SPECC1: variants seen among roughly 807,000 people sequenced by gnomAD.
The protein encoded by SPECC1 is sperm antigen with calponin homology and coiled-coil domains 1.
A neutral mutation model predicts 104.1 loss-of-function variants in SPECC1; 62 were observed. The ratio of observed to expected loss-of-function variants is 0.60; its 90% CI spans 0.49 to 0.74. The LOEUF (loss-of-function observed/expected upper bound fraction) is 0.74. Among genes scored for constraint, SPECC1 ranks in the 30% least tolerant of loss-of-function variants. The pLI, the probability that SPECC1 is intolerant of heterozygous loss-of-function variation, is 0.00. For synonymous variants in SPECC1, 513 were observed against 501.6 expected (o/e 1.02, Z -0.30); for missense variants, 1,306 against 1,310.5 (o/e 1.00, Z 0.05).
At position 20,227,532 on chromosome 17, in the gene SPECC1, G is replaced by A. The variant is rs1178462110; in HGVS notation, c.1983G>A (p.Met661Ile). The A allele has an allele frequency of 6.2e-7, 1 of 1,612,994 alleles. No homozygotes were observed. Among genetic ancestry groups the A allele is most frequent in the Non-Finnish European group, 8.5e-7 (1 of 1,179,742 alleles). The change falls in exon 5 of 15, where the codon ATG becomes ATA. Residue 661 changes from methionine (M) to isoleucine (I), a missense_variant. Met to Ile is a conservative substitution (Grantham distance 10). Around this residue, in one of 2 missense-constraint regions of SPECC1, gnomAD observed 1,177 missense variants for 1,139.9 expected, o/e 1.03. Transcript: ENST00000395527. ...ASESDAEIKD[M>I]KETIFELEDQ... is the part of the protein sequence containing the mutation. The stretch of plus-strand genomic sequence containing the variant: ...AGAGTGATGCAGAGATCAAAGACAT[G>A]AAAGAAACCATATTTGAATTGGAAG...
chr17:20,052,684 G>A (rs1338749727), intron 1 of SPECC1, among the ~76,000 whole-genome samples: 2 of 152,172 alleles, frequency 1.3e-5, no homozygotes, highest in African/African-American at 2.4e-5. Flanking sequence ...TCACTTCTTA[G>A]ATACGTGGCC....
At chr17:20,254,665 T>TA (rs1347202614) in intron 10 of SPECC1, among the ~76,000 whole-genome samples, 1 of 151,992 alleles carries the variant, frequency 6.6e-6, no homozygotes, top group Non-Finnish European at 1.5e-5. Context: ...TGTTAGGAAA[T>TA]AAAAAAGGCA....
At chr17:20,290,844 G>C (rs1410949242) in intron 12 of SPECC1, among the ~76,000 whole-genome samples, 1 of 152,200 alleles carries the variant, frequency 6.6e-6, no homozygotes, top group African/African-American at 2.4e-5. Flanking sequence ...TAGCATATGG[G>C]CGCCTTCTTG....
At position 20,238,876 on chromosome 17, in the gene SPECC1, A is replaced by T. The variant is rs963381125; in HGVS notation, c.2351+6471A>T. 2.1e-5 allele frequency: 22 copies of T among 1,043,274 alleles called. No individual in the cohort carries two copies. The African/African-American group carries it at 3.7e-4, about 17-fold the overall frequency. 64.6% of individuals were successfully genotyped at this position (1,043,274 alleles called of 1,614,324 possible). A position where few individuals can be genotyped will look rare whatever the true frequency, so the allele number is the denominator to read the frequency against. On this transcript the variant is annotated intron_variant, in intron 7 of 14. Transcript: ENST00000395527. ...AGCATTTATGAAGTGCAAAATAAAC[A>T]TGTTATTATATAGAAGCGTCTGCTG...
At chr17:20,018,341 G>C (rs536384882) in intron 1 of SPECC1, among the ~76,000 whole-genome samples, 1 of 152,204 alleles carries the variant, frequency 6.6e-6, no homozygotes, top group Admixed American at 6.5e-5. Flanking sequence ...TTTTAAAAAT[G>C]TTTCTACCAT....
intron 7 of SPECC1, chr17:20,237,149 G>C (rs2038962736): frequency 3.7e-6 from 5 of 1,357,180 alleles, no homozygotes; most frequent in Non-Finnish European, 3.8e-6. Context: ...CTTTTATTTG[G>C]AGAATAAAAT....
In SPECC1 at chr17:20,316,973, T is replaced by C. The variant is rs1192669245; in HGVS notation, c.*2908T>C. 1 of 213,464 alleles carries C rather than the reference T, an allele frequency of 4.7e-6. No individual in the cohort carries two copies. Among genetic ancestry groups the C allele is most frequent in the African/African-American group, 2.3e-5 (1 of 44,204 alleles). 13.2% of individuals were successfully genotyped at this position (213,464 alleles called of 1,614,324 possible). ...CCCCATTTTTGTCTGTATCCTGCTCTCTTTAGGTTAAAAAGAAGGAAAGAA... is the reference window on the plus strand; with the variant it reads ...CCCCATTTTTGTCTGTATCCTGCTCCCTTTAGGTTAAAAAGAAGGAAAGAA... On this transcript the variant is annotated 3_prime_UTR_variant, in exon 15 of 15. Transcript: ENST00000395527.
chr17:20,105,736 A>G (rs2048168739), intron 2 of SPECC1, among the ~76,000 whole-genome samples: 1 of 152,168 alleles, frequency 6.6e-6, no homozygotes, highest in Non-Finnish European at 1.5e-5. Flanking sequence ...CTCAAAGGCA[A>G]AACTCCCACT....
intron 1 of SPECC1, among the ~76,000 whole-genome samples, chr17:20,021,674 T>TAA (rs71357408): frequency 2.3e-4 from 32 of 141,836 alleles, no homozygotes; most frequent in Admixed American, 8.6e-4. Flanking sequence ...TATATATATA[T>TAA]AATATAATAA....
chr17:20,238,713 G>A, intron 7 of SPECC1: 1 of 1,040,770 alleles, frequency 9.6e-7, no homozygotes, highest in Middle Eastern at 4.4e-4. Flanking sequence ...GAGTTCTTAG[G>A]ATTATTTAAA....
chr17:20,152,648 CT>C (rs2152568064), intron 3 of SPECC1, among the ~76,000 whole-genome samples: 1 of 152,200 alleles, frequency 6.6e-6, no homozygotes, highest in East Asian at 1.9e-4. Context: ...ATCTCTTCCT[CT>C]TCTTTTTTTA....
rs115992911 is a variant in SPECC1, at chr17:20,278,453, A to G, written c.2940+18159A>G. Among the ~76,000 whole-genome samples the G allele has an allele frequency of 6.7e-3, 1,020 of 152,278 alleles. 10 individuals carry two copies. The highest frequency in any genetic ancestry group is 0.023 in the African/African-American group (960 of 41,556). ...TGGAAACTCAGCCACCCTACAGGCT[A>G]AGGGCCCACATCCTCCCTCTTCTGA... On this transcript the variant is annotated intron_variant, in intron 12 of 14. Coordinates refer to ENST00000395527, the MANE Select transcript of SPECC1 (RefSeq NM_001243439.2).
chr17:20,244,317 C>T (rs1238454085), intron 7 of SPECC1, among the ~76,000 whole-genome samples: 1 of 152,196 alleles, frequency 6.6e-6, no homozygotes, highest in Non-Finnish European at 1.5e-5. Context: ...TCTGCTCAAA[C>T]CTAACCTGAT....
rs11298381 is a variant in SPECC1, at chr17:20,173,928, GTT to G, written c.284-30394_284-30393del. Among the ~76,000 whole-genome samples the G allele has an allele frequency of 2.3e-3, 344 of 146,508 alleles. 2 individuals are homozygous for G. Among genetic ancestry groups the G allele is most frequent in the African/African-American group, 7.7e-3 (308 of 39,764 alleles). On this transcript the variant is annotated intron_variant, in intron 3 of 14. Coordinates refer to ENST00000395527, the MANE Select transcript of SPECC1 (RefSeq NM_001243439.2). ...TCTATAGACAGTTGAAGTTTTTGGT[GTT>G]TTTTTTTTTTGTTTTTGTGGAGACG...
At chr17:20,067,838 G>A (rs1352107040) in intron 1 of SPECC1, among the ~76,000 whole-genome samples, 3 of 152,022 alleles carry the variant, frequency 2.0e-5, no homozygotes, top group East Asian at 3.9e-4. Context: ...CCCCCGCCCC[G>A]AAAACCCAGG....
At chr17:20,064,510 G>A (rs940035758) in intron 1 of SPECC1, among the ~76,000 whole-genome samples, 1 of 152,166 alleles carries the variant, frequency 6.6e-6, no homozygotes, top group Non-Finnish European at 1.5e-5. Context: ...TGGGTGGCAG[G>A]TACATGACGC....
chr17:20,016,827 G>A (rs1339675903), intron 1 of SPECC1, among the ~76,000 whole-genome samples: 1 of 152,270 alleles, frequency 6.6e-6, no homozygotes, highest in Non-Finnish European at 1.5e-5. Flanking sequence ...GCGCGGGACT[G>A]GCAGGCAGCT....
At chr17:20,261,723 G>GT (rs1001838562) in intron 12 of SPECC1, among the ~76,000 whole-genome samples, 1 of 152,186 alleles carries the variant, frequency 6.6e-6, no homozygotes. Flanking sequence ...TTCTAGGACA[G>GT]TATCTGTTTT....
In SPECC1 at chr17:20,314,760, C is replaced by G. The variant is rs1567629712; in HGVS notation, c.*695C>G. 1 of 169,834 alleles carries G rather than the reference C, an allele frequency of 5.9e-6. No homozygotes were observed. The highest frequency in any genetic ancestry group is 1.2e-5 in the Non-Finnish European group (1 of 83,914). The allele number at this position is 169,834 out of a possible 1,614,324, so 10.5% of individuals were successfully genotyped here. On this transcript the variant is annotated 3_prime_UTR_variant, in exon 15 of 15. Coordinates refer to ENST00000395527, the MANE Select transcript of SPECC1 (RefSeq NM_001243439.2). ...TGTTCCAGGGCAACCTGGAAACGTGCGTGCGCACTCAGCCTTTTGGGGAAA... is the reference window on the plus strand; with the variant it reads ...TGTTCCAGGGCAACCTGGAAACGTGGGTGCGCACTCAGCCTTTTGGGGAAA...
Sources: allele counts gnomAD v4.1 joint callset (sites outside exome capture counted in the v4.1 genomes callset), GRCh38; gene constraint gnomAD v4.1.1; regional missense constraint gnomAD v4.1.1; transcripts MANE v1.5; gene names NCBI Gene and HGNC (gene_info 2026-07-23, HGNC 2026-07-21).